TFEC: variants seen among roughly 807,000 people sequenced by gnomAD.
TFEC encodes transcription factor EC.
Under a neutral mutation model 41.6 loss-of-function variants are expected in TFEC, and 31 were observed. The observed-to-expected ratio is 0.74, with a 90% CI of 0.56 to 1.01. The LOEUF (loss-of-function observed/expected upper bound fraction) is 1.01. Ranked by LOEUF, TFEC falls within the 50% of genes least tolerant of loss-of-function variation. The pLI is 0.00. For missense variants in TFEC, 402 were observed against 404.1 expected, an observed-to-expected ratio of 0.99 and a Z score of 0.04; for synonymous variants, 143 against 140.6, an observed-to-expected ratio of 1.02 and a Z score of -0.12.
intron 3 of TFEC, among the ~76,000 whole-genome samples, chr7:116,091,763 G>GTTCTAAAT (rs1797333823): frequency 6.6e-6 from 1 of 151,670 alleles, no homozygotes. Context: ...AATGTGCATT[G>GTTCTAAAT]TTCTAAATTC....
chr7:116,156,579 G>C (rs1798874355), intron 1 of TFEC, among the ~76,000 whole-genome samples: 2 of 152,218 alleles, frequency 1.3e-5, no homozygotes, highest in South Asian at 2.1e-4. Flanking sequence ...CATTGAAATG[G>C]CTTGTGTGTA....
intron 3 of TFEC, among the ~76,000 whole-genome samples, chr7:116,047,821 G>A (rs1263687903): frequency 6.6e-6 from 1 of 152,044 alleles, no homozygotes; most frequent in Non-Finnish European, 1.5e-5. Context: ...GAAGGATCAG[G>A]CAGCAACATT....
At chr7:116,059,033 T>C (rs577375967) in intron 3 of TFEC, among the ~76,000 whole-genome samples, 1 of 151,434 alleles carries the variant, frequency 6.6e-6, no homozygotes, top group Non-Finnish European at 1.5e-5. Flanking sequence ...GAAAATAAGA[T>C]CAGAAGGAAA....
chr7:116,026,395 T>C (rs544195740), intron 1 of TFEC, among the ~76,000 whole-genome samples: 4 of 152,246 alleles, frequency 2.6e-5, no homozygotes, highest in Non-Finnish European at 5.9e-5. Flanking sequence ...CATTTGTCTC[T>C]GTAATTAATT....
At chr7:115,958,820 C>G (rs2130451183) in intron 3 of TFEC, among the ~76,000 whole-genome samples, 1 of 151,964 alleles carries the variant, frequency 6.6e-6, no homozygotes, top group Middle Eastern at 3.4e-3. Flanking sequence ...AGGTACTTCT[C>G]TATTTCATGT....
chr7:116,144,495 T>A, intron 1 of TFEC, among the ~76,000 whole-genome samples: 1 of 152,146 alleles, frequency 6.6e-6, no homozygotes, highest in Non-Finnish European at 1.5e-5. Flanking sequence ...GGAGGTATTT[T>A]TTAATGTGAT....
At chr7:115,951,072 A>G in intron 5 of TFEC, 123 bp from the exon 6 acceptor site, 1 of 463,020 alleles carries the variant, frequency 2.2e-6, no homozygotes, top group Non-Finnish European at 3.8e-6. Context: ...TAGTCAAAAG[A>G]TAATACTTCT....
chr7:116,071,277 T>C lies in TFEC; in HGVS notation c.198+39431A>G, dbSNP rs565582592. Among the ~76,000 whole-genome samples the C allele has an allele frequency of 6.8e-4, 103 of 150,906 alleles. 4 individuals carry two copies. In the South Asian group the frequency reaches 0.021, roughly 30 times the overall value. The stretch of plus-strand genomic sequence containing the variant: ...GCTTACCCCAACAGCTATGACATAA[T>C]GATATTCCATGTATCAAATGAAATT... On this transcript the variant is annotated intron_variant, in intron 3 of 8. Coordinates refer to the TFEC transcript ENST00000484212.
intron 3 of TFEC, among the ~76,000 whole-genome samples, chr7:116,069,886 T>G (rs536513504): frequency 6.5e-4 from 99 of 151,628 alleles, no homozygotes; most frequent in Non-Finnish European, 1.2e-3. Flanking sequence ...TGTCAAAATA[T>G]GTGACCAGTT....
intron 3 of TFEC, among the ~76,000 whole-genome samples, chr7:116,048,870 C>A (rs7795787): frequency 0.61 from 93,386 of 152,018 alleles, 29,229 homozygotes; most frequent in East Asian, 0.74. Flanking sequence ...AATTTCATAT[C>A]CAGCCAAACT....
chr7:116,149,210 T>C (rs1798708422), intron 1 of TFEC, among the ~76,000 whole-genome samples: 1 of 151,798 alleles, frequency 6.6e-6, no homozygotes, highest in African/African-American at 2.4e-5. Flanking sequence ...ATTAGAGAAA[T>C]AACAAAAATA....
chr7:116,058,309 A>G (rs1796475051), intron 3 of TFEC, among the ~76,000 whole-genome samples: 1 of 151,860 alleles, frequency 6.6e-6, no homozygotes, highest in South Asian at 2.1e-4. Context: ...TAATAATAAA[A>G]GTGTCAATTT....
chr7:116,027,824 C>A (rs187984478), intron 1 of TFEC, among the ~76,000 whole-genome samples: 19 of 152,294 alleles, frequency 1.2e-4, no homozygotes. Context: ...CATTAGGAGG[C>A]ATGAGAATCC....
At chr7:115,950,179 C>A (rs570424395) in intron 6 of TFEC, among the ~76,000 whole-genome samples, 1 of 151,806 alleles carries the variant, frequency 6.6e-6, no homozygotes, top group East Asian at 2.0e-4. Flanking sequence ...ACCTGGCTAA[C>A]TTTTGTATTT....
chr7:115,969,011 A>G (rs1291328298), intron 3 of TFEC, among the ~76,000 whole-genome samples: 1 of 151,810 alleles, frequency 6.6e-6, no homozygotes, highest in Non-Finnish European at 1.5e-5. Context: ...AGCTATTATT[A>G]TTGTTGTCTT....
At chr7:116,074,223 C>T (rs2131032911) in intron 3 of TFEC, among the ~76,000 whole-genome samples, 1 of 151,402 alleles carries the variant, frequency 6.6e-6, no homozygotes, top group African/African-American at 2.4e-5. Context: ...TGTGTGCATG[C>T]ATACACACAC....
rs1291598480 is a variant in TFEC at position 115,968,267 on chromosome 7, T to C, written c.267+5903A>G. 3.3e-6 allele frequency: 5 copies of C among 1,529,054 alleles called. No homozygotes were observed. In the South Asian group the frequency reaches 6.0e-5, roughly 18 times the overall value. 94.7% of individuals were successfully genotyped at this position (1,529,054 alleles called of 1,614,324 possible). ...CTTCATCATTTTCTTTTCCTTAAAC[T>C]TGCAAACAATAACCAAGAGAACTGT... On this transcript the variant is annotated intron_variant, in intron 3 of 7. Transcript: ENST00000265440.
intron 1 of TFEC, among the ~76,000 whole-genome samples, chr7:116,006,234 A>C (rs548052563): frequency 1.5e-4 from 23 of 152,296 alleles, no homozygotes; most frequent in Non-Finnish European, 2.6e-4. Flanking sequence ...CAAACCCCAG[A>C]ATGGTAGATC....
At chr7:116,031,872 T>C (rs149254624), upstream of TFEC, among the ~76,000 whole-genome samples, 13 of 152,234 alleles carry the variant, frequency 8.5e-5, no homozygotes, top group East Asian at 2.5e-3. Context: ...CTAAGGTGAA[T>C]GGAAATAGTA....
Sources: allele counts gnomAD v4.1 joint callset (sites outside exome capture counted in the v4.1 genomes callset), GRCh38; gene constraint gnomAD v4.1.1; transcripts MANE v1.5; gene names NCBI Gene and HGNC (gene_info 2026-07-23, HGNC 2026-07-21).